LIMD1: variants seen among roughly 807,000 people sequenced by gnomAD.
LIMD1 encodes the protein LIM domain-containing protein 1.
A neutral mutation model predicts 58.4 loss-of-function variants in LIMD1; 23 were observed. That is an observed-to-expected ratio of 0.39 (90% CI 0.28 to 0.56). The LOEUF is 0.56. LIMD1 is among the 20% of genes least tolerant of loss of function. LIMD1 has a pLI of 0.57. For synonymous variants in LIMD1, 334 were observed against 345.5 expected, an observed-to-expected ratio of 0.97 and a Z score of 0.37; for missense variants, 838 against 855.5, an observed-to-expected ratio of 0.98 and a Z score of 0.25.
At chr3:45,668,207 A>G in intron 3 of LIMD1, 87 bp from the exon 4 acceptor site, 1 of 1,030,034 alleles carries the variant, frequency 9.7e-7, no homozygotes, top group East Asian at 2.5e-5. Context: ...TTTCTGAGAA[A>G]TTCCTTATAA....
At position 45,684,402 on chromosome 3, in the gene LIMD1, G is replaced by A. The variant is rs1443248059; in HGVS notation, c.*7343G>A. 6.6e-6 allele frequency: 1 copy of A among 152,244 alleles called. No individual in the cohort carries two copies. Among genetic ancestry groups the A allele is most frequent in the Non-Finnish European group, 1.5e-5 (1 of 68,048 alleles). 9.4% of individuals were successfully genotyped at this position (152,244 alleles called of 1,614,324 possible). ...AGCCAGACTCCATGACATACAAATA[G>A]ATCAAAGTGAATCGGCTCCGTTGTT... is the stretch of plus-strand genomic sequence containing the variant. On this transcript the variant is annotated 3_prime_UTR_variant, in exon 8 of 8. Transcript: ENST00000273317.
intron 2 of LIMD1, among the ~76,000 whole-genome samples, chr3:45,650,187 C>A (rs115482477): frequency 0.03 from 4,614 of 152,136 alleles, 75 homozygotes; most frequent in Non-Finnish European, 0.041. Context: ...TTAAAAAGTT[C>A]TTTTCCTCTC....
At chr3:45,600,013 C>T (rs994880529) in intron 1 of LIMD1, among the ~76,000 whole-genome samples, 3 of 152,226 alleles carry the variant, frequency 2.0e-5, no homozygotes, top group South Asian at 2.1e-4. Context: ...CCTCCCTTGT[C>T]GGTAGCCTGA....
At chr3:45,646,144 C>G (rs1701904738) in intron 2 of LIMD1, among the ~76,000 whole-genome samples, 1 of 152,182 alleles carries the variant, frequency 6.6e-6, no homozygotes, top group African/African-American at 2.4e-5. Context: ...TCCAGCCACA[C>G]TCATCTTACA....
chr3:45,629,832 T>G (rs1246459168), intron 1 of LIMD1, among the ~76,000 whole-genome samples: 1 of 152,156 alleles, frequency 6.6e-6, no homozygotes, highest in Non-Finnish European at 1.5e-5. Context: ...CCTAGAGGTT[T>G]GAGCAGGGGG....
At chr3:45,664,431 T>G (rs1421064388) in intron 2 of LIMD1, among the ~76,000 whole-genome samples, 1 of 152,212 alleles carries the variant, frequency 6.6e-6, no homozygotes, top group African/African-American at 2.4e-5. Flanking sequence ...CCTCCAAGTA[T>G]GAAGCTGACT....
At chr3:45,669,811 C>T (rs992678234) in intron 4 of LIMD1, among the ~76,000 whole-genome samples, 1 of 152,202 alleles carries the variant, frequency 6.6e-6, no homozygotes, top group Non-Finnish European at 1.5e-5. Context: ...ATTTCTCCAT[C>T]TCATGTTGAT....
At chr3:45,631,055 T>C (rs1701726774) in intron 1 of LIMD1, among the ~76,000 whole-genome samples, 1 of 151,862 alleles carries the variant, frequency 6.6e-6, no homozygotes, top group Non-Finnish European at 1.5e-5. Context: ...AATATAAAAA[T>C]TAGTCAGGCA....
intron 2 of LIMD1, among the ~76,000 whole-genome samples, chr3:45,656,808 G>A (rs1427090671): frequency 3.3e-5 from 5 of 152,148 alleles, no homozygotes; most frequent in Admixed American, 2.6e-4. Flanking sequence ...GAGCCACCAC[G>A]CCCAGCCGAC....
intron 1 of LIMD1, among the ~76,000 whole-genome samples, chr3:45,609,644 C>A (rs1219131992): frequency 1.3e-5 from 2 of 152,230 alleles, no homozygotes; most frequent in Non-Finnish European, 2.9e-5. Context: ...CCAGACCTAT[C>A]TTTGCATTAC....
chr3:45,615,934 G>A (rs1701571689), intron 1 of LIMD1, among the ~76,000 whole-genome samples: 1 of 151,994 alleles, frequency 6.6e-6, no homozygotes, highest in South Asian at 2.1e-4. Context: ...TTTTTCAAGT[G>A]TCTTTAGTTT....
intron 2 of LIMD1, among the ~76,000 whole-genome samples, chr3:45,652,489 T>A (rs62242185): frequency 0.12 from 17,866 of 152,264 alleles, 1,372 homozygotes; most frequent in Middle Eastern, 0.21. Context: ...TGCCAGACAT[T>A]GTAAACTTTA....
intron 2 of LIMD1, among the ~76,000 whole-genome samples, chr3:45,652,918 T>G (rs1701990387): frequency 1.3e-5 from 2 of 152,130 alleles, no homozygotes; most frequent in South Asian, 2.1e-4. Flanking sequence ...AGACAAAGAC[T>G]TTGGAGTGGC....
intron 1 of LIMD1, among the ~76,000 whole-genome samples, chr3:45,611,365 G>A (rs978719182): frequency 3.3e-5 from 5 of 152,222 alleles, no homozygotes; most frequent in African/African-American, 7.2e-5. Context: ...TCTGGGGTCC[G>A]AAGCTGCTGT....
intron 1 of LIMD1, among the ~76,000 whole-genome samples, chr3:45,599,485 G>A (rs779444811): frequency 6.6e-6 from 1 of 152,122 alleles, no homozygotes; most frequent in Non-Finnish European, 1.5e-5. Context: ...TGAAAATCGA[G>A]CCTCTTTCCC....
At chr3:45,659,044 C>T (rs569787239) in intron 2 of LIMD1, among the ~76,000 whole-genome samples, 5 of 152,104 alleles carry the variant, frequency 3.3e-5, no homozygotes, top group African/African-American at 1.2e-4. Context: ...TCATATTATA[C>T]ATATTTCTAG....
chr3:45,624,579 C>T (rs1431610501), intron 1 of LIMD1, among the ~76,000 whole-genome samples: 8 of 151,998 alleles, frequency 5.3e-5, no homozygotes, highest in South Asian at 2.1e-4. Context: ...AGAAATTAGC[C>T]GGGTGTGGTG....
chr3:45,597,358 C>T (rs1407739249), intron 1 of LIMD1, among the ~76,000 whole-genome samples: 25 of 152,142 alleles, frequency 1.6e-4, no homozygotes, highest in Admixed American at 1.6e-3. Flanking sequence ...CAGCCTACAC[C>T]CAGGTAACAG....
chr3:45,631,894 AC>A (rs1173126588), intron 1 of LIMD1, among the ~76,000 whole-genome samples: 1 of 152,168 alleles, frequency 6.6e-6, no homozygotes, highest in African/African-American at 2.4e-5. Context: ...CATTGCACTG[AC>A]ACGTGCAATT....
Sources: allele counts gnomAD v4.1 joint callset (sites outside exome capture counted in the v4.1 genomes callset), GRCh38; gene constraint gnomAD v4.1.1; transcripts MANE v1.5; gene names NCBI Gene and HGNC (gene_info 2026-07-23, HGNC 2026-07-21).